Variants in PCDHGA3 observed in about 807,000 individuals in gnomAD.
The protein encoded by PCDHGA3 is protocadherin gamma-A3.
PCDHGA3 carries 40 observed loss-of-function variants against 58.5 expected under a neutral mutation model. That is an observed-to-expected ratio of 0.68 (90% CI 0.53 to 0.89). PCDHGA3 has a LOEUF of 0.89. Among genes scored for constraint, PCDHGA3 ranks in the 40% least tolerant of loss-of-function variants. The probability of loss-of-function intolerance (pLI) is 0.00; values close to 1 mark genes in which losing one functional copy is unlikely to be tolerated. For missense variants in PCDHGA3, 1,223 were observed against 1,195.9 expected (o/e 1.02, Z -0.33); for synonymous variants, 530 against 525.7 (o/e 1.01, Z -0.11).
At position 141,365,444 on chromosome 5, in the gene PCDHGA3, C is replaced by G. The variant is rs771471249; in HGVS notation, c.2424+18987C>G. 3 of 1,613,872 alleles carry G rather than the reference C, an allele frequency of 1.9e-6. No homozygotes were observed. The highest frequency in any genetic ancestry group is 3.3e-5 in the Admixed American group (2 of 60,006). On this transcript the variant is annotated intron_variant, in intron 1 of 3. Coordinates refer to ENST00000253812, the MANE Select transcript of PCDHGA3 (RefSeq NM_018916.4). ...AACTGTAATCGCGCTGTTTAGCGTACATGATGGTGATTCTGGAGAAAATGG... is the reference window on the plus strand; with the variant it reads ...AACTGTAATCGCGCTGTTTAGCGTAGATGATGGTGATTCTGGAGAAAATGG...
chr5:141,453,870 C>A (rs932804656), intron 1 of PCDHGA3, among the ~76,000 whole-genome samples: 2 of 152,146 alleles, frequency 1.3e-5, no homozygotes, highest in African/African-American at 4.8e-5. Context: ...AACAGATGAG[C>A]AAAATAATGT....
rs2096153349 is a variant in PCDHGA3 at position 141,417,731 on chromosome 5, C to G, written c.2424+71274C>G. 2.2e-6 allele frequency: 3 copies of G among 1,378,810 alleles called. No homozygotes were observed. In the East Asian group the frequency reaches 7.6e-5, roughly 35 times the overall value. 85.4% of individuals were successfully genotyped at this position (1,378,810 alleles called of 1,614,324 possible). A position where few individuals can be genotyped will look rare whatever the true frequency, so the allele number is the denominator to read the frequency against. On this transcript the variant is annotated intron_variant, in intron 1 of 3. Coordinates refer to ENST00000253812, the MANE Select transcript of PCDHGA3 (RefSeq NM_018916.4). ...AGGCTCCCGGCTGCGCAGACCTTGC[C>G]CAGCACACCAGATTGCCAGCTCCGA...
In PCDHGA3 at chr5:141,344,168, G is replaced by C. The variant is rs1757378141; in HGVS notation, c.135G>C (p.Val45=). Residue 45 remains valine (V), a synonymous_variant, in exon 1 of 4, where the codon GTG becomes GTC. Transcript: ENST00000253812. ...VSEELDKGSF[V]GNIANDLGLE... ...AGGAGCTAGATAAAGGTTCCTTCGT[G>C]GGCAACATCGCTAACGACCTGGGGC... 6.2e-7 allele frequency: 1 copy of C among 1,613,902 alleles called. No individual in the cohort carries two copies. Among genetic ancestry groups the C allele is most frequent in the African/African-American group, 1.3e-5 (1 of 74,924 alleles).
At position 141,486,230 on chromosome 5, in the gene PCDHGA3, A is replaced by G. The variant is rs1463946178; in HGVS notation, c.2425-8577A>G. ...TGACAATGCCCCTTACATCACAGTG[A>G]CCTCAGAGCTTGGAACCCTCCCCGA... On this transcript the variant is annotated intron_variant, in intron 1 of 3. Coordinates refer to ENST00000253812, the MANE Select transcript of PCDHGA3 (RefSeq NM_018916.4). This position sits in a 1 kb window ranked among gnomAD's most constrained non-coding sequence, Gnocchi z 5.0. 2 of 1,613,898 alleles carry G rather than the reference A, an allele frequency of 1.2e-6. No individual in the cohort carries two copies. The highest frequency in any genetic ancestry group is 2.2e-5 in the East Asian group (1 of 44,878).
Position 141,346,624 on chromosome 5 carries a change from C to G in PCDHGA3, c.2424+167C>G, listed in dbSNP as rs968962434. ...TGGGCCTATAGTAGGACTGCACTCC[C>G]CGGTCTGGTTATGGTTGAGTGGGCT... On this transcript the variant is annotated intron_variant, in intron 1 of 3. Coordinates refer to ENST00000253812, the MANE Select transcript of PCDHGA3 (RefSeq NM_018916.4). The G allele has an allele frequency of 1.2e-5, 12 of 1,031,578 alleles. 1 individual carries two copies. Among genetic ancestry groups the G allele is most frequent in the African/African-American group, 4.9e-5 (3 of 61,630 alleles). 63.9% of individuals were successfully genotyped at this position (1,031,578 alleles called of 1,614,324 possible).
intron 1 of PCDHGA3, chr5:141,366,404 T>C (rs1404249999): frequency 6.8e-6 from 11 of 1,614,180 alleles, no homozygotes; most frequent in Non-Finnish European, 9.3e-6. Context: ...CCTCACACTC[T>C]ATCTTGTGGT....
intron 1 of PCDHGA3, chr5:141,409,386 A>C (rs369240403): frequency 1.2e-6 from 2 of 1,613,914 alleles, no homozygotes; most frequent in African/African-American, 2.7e-5. Flanking sequence ...TTCAAGATTT[A>C]TTCTTCTTCC....
intron 1 of PCDHGA3, chr5:141,362,465 C>A: frequency 6.2e-7 from 1 of 1,614,054 alleles, no homozygotes; most frequent in South Asian, 1.1e-5. Context: ...TTGGTTCCCG[C>A]GCAAGATCTC....
chr5:141,414,721 G>A (rs373261988), intron 1 of PCDHGA3: 29 of 1,614,004 alleles, frequency 1.8e-5, no homozygotes, highest in Middle Eastern at 1.6e-4. Flanking sequence ...CTCAGACACT[G>A]GCGTCCTGTA....
chr5:141,456,783 C>G (rs1400541298), intron 1 of PCDHGA3, among the ~76,000 whole-genome samples: 3 of 151,802 alleles, frequency 2.0e-5, no homozygotes, highest in African/African-American at 4.8e-5. Flanking sequence ...GCCTACATGG[C>G]AAAACCCCAT....
At chr5:141,384,862 T>A in intron 1 of PCDHGA3, 1 of 1,613,686 alleles carries the variant, frequency 6.2e-7, no homozygotes, top group Non-Finnish European at 8.5e-7. Context: ...GCCTCCTCTG[T>A]CAGCCACCGT....
chr5:141,350,552 GA>G, intron 1 of PCDHGA3: 1 of 1,614,066 alleles, frequency 6.2e-7, no homozygotes, highest in Non-Finnish European at 8.5e-7. Context: ...AAGGAAACTT[GA>G]GTGTGCACTA....
At chr5:141,414,733 G>A (rs768741206) in intron 1 of PCDHGA3, 2 of 1,614,174 alleles carry the variant, frequency 1.2e-6, no homozygotes. Flanking sequence ...CGTCCTGTAT[G>A]CACTCAGATC....
intron 1 of PCDHGA3, chr5:141,394,500 C>A (rs1450931785): frequency 3.7e-6 from 6 of 1,614,124 alleles, no homozygotes; most frequent in Non-Finnish European, 5.1e-6. Context: ...GCCCGAGATC[C>A]TGTACCCCGC....
At chr5:141,350,533 G>C in intron 1 of PCDHGA3, 1 of 1,614,072 alleles carries the variant, frequency 6.2e-7, no homozygotes, top group Non-Finnish European at 8.5e-7. Flanking sequence ...ATCGAGAGAA[G>C]ATTTGCGGAA....
chr5:141,399,459 C>T (rs897098728), intron 1 of PCDHGA3: 6 of 1,613,894 alleles, frequency 3.7e-6, no homozygotes, highest in Non-Finnish European at 5.1e-6. Context: ...TCAACGATAA[C>T]GCTCCGGTTT....
rs751047365 is a variant in PCDHGA3 at position 141,419,570 on chromosome 5, G to C, written c.2424+73113G>C. On this transcript the variant is annotated intron_variant, in intron 1 of 3. Transcript: ENST00000253812. ...GCTGTACCCTGCGCTGGGTCCCGAC[G>C]GCTCCGCGCTCTTCGACACAGTGCC... 5.6e-6 allele frequency: 9 copies of C among 1,611,766 alleles called. No individual in the cohort carries two copies. The South Asian group carries it at 8.8e-5, about 16-fold the overall frequency.
intron 1 of PCDHGA3, among the ~76,000 whole-genome samples, chr5:141,459,962 C>T (rs994878993): frequency 5.3e-5 from 8 of 152,290 alleles, no homozygotes; most frequent in South Asian, 2.1e-4. Flanking sequence ...CCTGTAATCC[C>T]AGCTACTCAG....
Position 141,343,874 on chromosome 5 carries a change from C to G in PCDHGA3, c.-160C>G. The G allele has an allele frequency of 5.0e-6, 3 of 605,888 alleles. No homozygotes were observed. Among genetic ancestry groups the G allele is most frequent in the Non-Finnish European group, 8.4e-6 (3 of 357,068 alleles). The allele number at this position is 605,888 out of a possible 1,614,324, so 37.5% of individuals were successfully genotyped here. On this transcript the variant is annotated 5_prime_UTR_variant, in exon 1 of 4. An upstream open reading frame in the 5' UTR gains an earlier in-frame stop. Coordinates refer to ENST00000253812, the MANE Select transcript of PCDHGA3 (RefSeq NM_018916.4). ...ATGCAAAGAACCAGCAAATCAGACT[C>G]AGAAGATCCGGGGCGGCTGCCAACC...
Sources: allele counts gnomAD v4.1 joint callset (sites outside exome capture counted in the v4.1 genomes callset), GRCh38; gene constraint gnomAD v4.1.1; non-coding constraint Gnocchi (gnomAD v3.1); transcripts MANE v1.5; gene names NCBI Gene and HGNC (gene_info 2026-07-23, HGNC 2026-07-21).